The following DOCK7 variants were observed in gnomAD, a reference collection of about 807,000 sequenced individuals.
DOCK7 encodes the protein dedicator of cytokinesis protein 7.
In DOCK7, 138 loss-of-function variants were observed where a neutral mutation model predicts 271.0. The observed-to-expected ratio is 0.51, with a 90% confidence interval of 0.44 to 0.59. The LOEUF (loss-of-function observed/expected upper bound fraction) is 0.59. Ranked by LOEUF, DOCK7 falls within the 20% of genes least tolerant of loss-of-function variation. The pLI is 0.00. For synonymous variants in DOCK7, 823 were observed against 876.1 expected, an observed-to-expected ratio of 0.94 and a Z score of 1.07; for missense variants, 2,066 against 2,592.4, an observed-to-expected ratio of 0.80 and a Z score of 4.41.
intron 31 of DOCK7, among the ~76,000 whole-genome samples, chr1:62,515,558 C>T (rs1197570096): frequency 6.6e-6 from 1 of 152,112 alleles, no homozygotes; most frequent in Non-Finnish European, 1.5e-5. Flanking sequence ...CTCTTATATT[C>T]CCACATAAAT....
intron 4 of DOCK7, among the ~76,000 whole-genome samples, chr1:62,652,381 A>G (rs1657494313): frequency 6.6e-6 from 1 of 152,186 alleles, no homozygotes; most frequent in South Asian, 2.1e-4. Context: ...CATATAATGT[A>G]TAATATCTAG....
chr1:62,534,000 C>G (rs1394746686), intron 29 of DOCK7, among the ~76,000 whole-genome samples: 4 of 128,290 alleles, frequency 3.1e-5, no homozygotes, highest in Non-Finnish European at 6.5e-5. Context: ...CACAACACAT[C>G]AAGCTTTTTT....
chr1:62,456,962 C>T (rs928594016), intron 49 of DOCK7, among the ~76,000 whole-genome samples: 1 of 152,144 alleles, frequency 6.6e-6, no homozygotes, highest in African/African-American at 2.4e-5. Flanking sequence ...TTACTTTCTG[C>T]AGTTATTGTG....
intron 6 of DOCK7, 22 bp downstream of exon 6, chr1:62,648,084 C>T: frequency 6.3e-7 from 1 of 1,598,268 alleles, no homozygotes; most frequent in Non-Finnish European, 8.6e-7. Flanking sequence ...TCATTTGCTT[C>T]TTTATATGCA....
At chr1:62,475,595 T>C (rs1645947120) in intron 46 of DOCK7, 112 bp downstream of exon 46, 1 of 1,139,648 alleles carries the variant, frequency 8.8e-7, no homozygotes, top group Non-Finnish European at 1.3e-6. Flanking sequence ...GGTAAAGTTC[T>C]AATATGTTAT....
At chr1:62,556,638 C>T (rs1646152417) in intron 20 of DOCK7, among the ~76,000 whole-genome samples, 2 of 151,770 alleles carry the variant, frequency 1.3e-5, no homozygotes, top group Non-Finnish European at 2.9e-5. Flanking sequence ...AATAATTTTA[C>T]AAAAATTGGA....
chr1:62,577,328 A>C lies in DOCK7; in HGVS notation c.2046T>G (p.Thr682=). 1 of 1,589,588 alleles carries C rather than the reference A, an allele frequency of 6.3e-7. No individual in the cohort carries two copies. The highest frequency in any genetic ancestry group is 8.6e-7 in the Non-Finnish European group (1 of 1,165,262). ...ATGAGACTGGCAAGCAAAACTGGCC[A>C]GTCTTCAACCGTCCATTCTGAAGCA... ...IPMLQNGRLK[T]GQFCLPVSLE... The change falls in exon 18 of 50, where the codon ACT becomes ACG. Residue 682 remains threonine (T), a synonymous_variant. Transcript: ENST00000635253.
At chr1:62,638,095 T>C (rs541520948) in intron 7 of DOCK7, among the ~76,000 whole-genome samples, 1 of 152,332 alleles carries the variant, frequency 6.6e-6, no homozygotes, top group African/African-American at 2.4e-5. Context: ...GGATTTTTAA[T>C]GGGAATCTTT....
Position 62,476,054 on chromosome 1 carries a change from G to A in DOCK7, c.5724+13C>T, listed in dbSNP as rs74678635. ...GAGATGTCTATATGTCATTATAGTC[G>A]AATCAACTATACCTTGTTAGGATCT... On this transcript the variant is annotated intron_variant, in intron 45 of 49. Transcript: ENST00000635253. 1,869 of 1,607,614 alleles carry A rather than the reference G, an allele frequency of 1.2e-3. 3 individuals carry two copies. Among genetic ancestry groups the A allele is most frequent in the Non-Finnish European group, 1.5e-3 (1,766 of 1,176,028 alleles).
At chr1:62,578,717 CAAAAAA>C (rs33969170) in intron 17 of DOCK7, 105 bp downstream of exon 17, 14 of 302,756 alleles carry the variant, frequency 4.6e-5, no homozygotes, top group East Asian at 1.5e-4. Flanking sequence ...GACTCTGTCT[CAAAAAA>C]AAAAAAAAAA....
intron 22 of DOCK7, among the ~76,000 whole-genome samples, chr1:62,549,445 C>T (rs111681812): frequency 2.8e-4 from 43 of 152,226 alleles, no homozygotes; most frequent in African/African-American, 1.0e-3. Flanking sequence ...AAAGGTAGCA[C>T]AGAAATAGCA....
At chr1:62,675,022 G>C (rs887822082) in intron 1 of DOCK7, among the ~76,000 whole-genome samples, 1 of 152,148 alleles carries the variant, frequency 6.6e-6, no homozygotes, top group Non-Finnish European at 1.5e-5. Flanking sequence ...GCCAAACAAG[G>C]AGACAATAGT....
chr1:62,515,737 A>C (rs1171847459), intron 31 of DOCK7, among the ~76,000 whole-genome samples: 1 of 152,224 alleles, frequency 6.6e-6, no homozygotes, highest in African/African-American at 2.4e-5. Context: ...TTTAAATTTA[A>C]TGGGGGAAAA....
At chr1:62,622,594 C>T (rs1246066335) in intron 12 of DOCK7, among the ~76,000 whole-genome samples, 1 of 152,022 alleles carries the variant, frequency 6.6e-6, no homozygotes, top group Non-Finnish European at 1.5e-5. Context: ...GCTGGGACTA[C>T]AGGTATACAC....
rs1644579086 is a variant in DOCK7, at chr1:62,513,920, A to G, written c.3937-22T>C. 1.9e-6 allele frequency: 3 copies of G among 1,588,468 alleles called. No homozygotes were observed. In the East Asian group the frequency reaches 6.7e-5, roughly 36 times the overall value. ...CACTCTGAAAATAAAGAGCAGTAGA[A>G]TGAGACAGATTGATCAAAGACCATT... On this transcript the variant is annotated intron_variant, in intron 31 of 49. Coordinates refer to ENST00000635253, the MANE Select transcript of DOCK7 (RefSeq NM_001367561.1).
chr1:62,602,196 C>T (rs183372867), intron 14 of DOCK7: 122 of 1,051,252 alleles, frequency 1.2e-4, no homozygotes, highest in Non-Finnish European at 1.7e-4. Context: ...TACAAAACCA[C>T]CAATTAAAAT....
chr1:62,622,578 C>T (rs2149596905), intron 12 of DOCK7, among the ~76,000 whole-genome samples: 1 of 152,226 alleles, frequency 6.6e-6, no homozygotes, highest in Non-Finnish European at 1.5e-5. Context: ...CTCAGCCTCC[C>T]AAGTAGCTGG....
intron 14 of DOCK7, among the ~76,000 whole-genome samples, chr1:62,603,232 A>G (rs534729881): frequency 1.5e-4 from 23 of 151,876 alleles, no homozygotes; most frequent in Non-Finnish European, 2.8e-4. Flanking sequence ...ACCCATTTGT[A>G]CTTGTATTTA....
At chr1:62,632,905 A>G (rs897585059) in intron 10 of DOCK7, among the ~76,000 whole-genome samples, 1 of 152,130 alleles carries the variant, frequency 6.6e-6, no homozygotes, top group African/African-American at 2.4e-5. Flanking sequence ...TGAACCCAGG[A>G]AGCGGAGGTT....
Sources: gnomAD v4.1 joint callset for allele counts (sites outside exome capture counted in the v4.1 genomes callset) on GRCh38, gnomAD v4.1.1 for gene constraint, MANE v1.5 for transcripts, NCBI Gene and HGNC (gene_info 2026-07-23, HGNC 2026-07-21) for gene names.